TBC1D8: variants seen among roughly 807,000 people sequenced by gnomAD.
The protein encoded by TBC1D8 is BUB2-like protein 1.
TBC1D8 carries 65 observed loss-of-function variants against 118.8 expected under a neutral mutation model. The ratio of observed to expected loss-of-function variants is 0.55; its 90% CI spans 0.45 to 0.67. TBC1D8 has a LOEUF of 0.67. TBC1D8 is among the 30% of genes least tolerant of loss of function. TBC1D8 has a pLI of 0.00. For synonymous variants in TBC1D8, 566 were observed against 595.8 expected, an observed-to-expected ratio of 0.95 and a Z score of 0.73; for missense variants, 1,376 against 1,471.2, an observed-to-expected ratio of 0.94 and a Z score of 1.06.
chr2:101,102,497 G>A (rs1307427691), intron 1 of TBC1D8, among the ~76,000 whole-genome samples: 42 of 149,612 alleles, frequency 2.8e-4, no homozygotes, highest in Non-Finnish European at 5.2e-4. Context: ...AAAGGTCTAA[G>A]TACACCAACT....
At chr2:101,129,671 C>A (rs781304159) in intron 1 of TBC1D8, among the ~76,000 whole-genome samples, 1 of 151,614 alleles carries the variant, frequency 6.6e-6, no homozygotes, top group South Asian at 2.1e-4. Flanking sequence ...TTTGGGAGGC[C>A]GAGGCAGGCA....
intron 15 of TBC1D8, among the ~76,000 whole-genome samples, chr2:101,025,352 G>A (rs914688065): frequency 2.6e-4 from 40 of 152,096 alleles, no homozygotes; most frequent in African/African-American, 7.2e-4. Flanking sequence ...TCAGCCACCC[G>A]CGTAGCTGGG....
intron 1 of TBC1D8, among the ~76,000 whole-genome samples, chr2:101,091,153 C>T (rs1052873734): frequency 6.6e-6 from 1 of 152,110 alleles, no homozygotes; most frequent in Admixed American, 6.5e-5. Flanking sequence ...GGCGTGGTGG[C>T]AGGCACCTGT....
intron 1 of TBC1D8, among the ~76,000 whole-genome samples, chr2:101,119,034 C>A (rs541778123): frequency 6.6e-6 from 1 of 151,984 alleles, no homozygotes; most frequent in South Asian, 2.1e-4. Context: ...AAAGACTCCA[C>A]GAAAGACTCT....
At chr2:101,122,691 G>A (rs1678183133) in intron 1 of TBC1D8, among the ~76,000 whole-genome samples, 2 of 152,078 alleles carry the variant, frequency 1.3e-5, no homozygotes, top group African/African-American at 2.4e-5. Context: ...ACATGAAACC[G>A]AAATGAATTG....
At chr2:101,147,609 G>T (rs1156651769) in intron 1 of TBC1D8, among the ~76,000 whole-genome samples, 1 of 152,162 alleles carries the variant, frequency 6.6e-6, no homozygotes, top group African/African-American at 2.4e-5. Flanking sequence ...GTGATGCTGG[G>T]CATGTTTGAT....
chr2:101,109,900 G>C (rs1416588449), intron 1 of TBC1D8: 2 of 985,362 alleles, frequency 2.0e-6, no homozygotes, highest in African/African-American at 1.7e-5. Flanking sequence ...ACTCTTTGCT[G>C]CATCTCCAGG....
rs989324380 is a variant in TBC1D8 at position 101,079,431 on chromosome 2, G to A, written c.283+10778C>T. Among the ~76,000 whole-genome samples the A allele has an allele frequency of 4.7e-4, 72 of 152,210 alleles. 1 individual carries two copies. Among genetic ancestry groups the A allele is most frequent in the East Asian group, 2.3e-3 (12 of 5,178 alleles). On this transcript the variant is annotated intron_variant, in intron 2 of 19. Transcript: ENST00000409318. ...ACACGGTTTCATCTGTCACTCAGGCGGAGTGCCATCATAGCTCACCGCAGC... is the reference window on the plus strand; with the variant it reads ...ACACGGTTTCATCTGTCACTCAGGCAGAGTGCCATCATAGCTCACCGCAGC...
rs184780259 is a variant in TBC1D8 at position 101,065,022 on chromosome 2, G to A, written c.284-5483C>T. 1.6e-3 allele frequency among the ~76,000 whole-genome samples: 250 copies of A among 152,208 alleles called. 3 individuals are homozygous for A. Among genetic ancestry groups the A allele is most frequent in the East Asian group, 1.7e-3 (9 of 5,162 alleles). Reference sequence around the variant, plus strand: ...CCCAGTGGCTGAGTCACACTGAAACGCACACACAATATTTATTCTCTTAGG... The same window carrying A: ...CCCAGTGGCTGAGTCACACTGAAACACACACACAATATTTATTCTCTTAGG... On this transcript the variant is annotated intron_variant, in intron 2 of 19. Coordinates refer to ENST00000409318, the MANE Select transcript of TBC1D8 (RefSeq NM_001330348.2).
At chr2:101,032,461 A>G in intron 10 of TBC1D8, 76 bp from the exon 11 acceptor site, 1 of 1,262,890 alleles carries the variant, frequency 7.9e-7, no homozygotes, top group Non-Finnish European at 1.1e-6. Flanking sequence ...ATCCAAGCCC[A>G]AACAACCCAC....
At chr2:101,062,444 C>T (rs1356534793) in intron 2 of TBC1D8, among the ~76,000 whole-genome samples, 2 of 152,160 alleles carry the variant, frequency 1.3e-5, no homozygotes, top group Admixed American at 1.3e-4. Flanking sequence ...AGAACTAAAG[C>T]AGGGAGAAGA....
At chr2:101,129,423 G>A (rs1473884720) in intron 1 of TBC1D8, among the ~76,000 whole-genome samples, 1 of 152,118 alleles carries the variant, frequency 6.6e-6, no homozygotes, top group Non-Finnish European at 1.5e-5. Context: ...TTACAGGCAT[G>A]AGCCATGGCA....
At chr2:101,063,258 A>G (rs774037625) in intron 2 of TBC1D8, among the ~76,000 whole-genome samples, 1 of 152,352 alleles carries the variant, frequency 6.6e-6, no homozygotes, top group African/African-American at 2.4e-5. Flanking sequence ...TTTGAGACAA[A>G]GTCATCAAAA....
intron 17 of TBC1D8, among the ~76,000 whole-genome samples, chr2:101,016,961 A>C (rs1346134181): frequency 1.3e-5 from 2 of 152,010 alleles, no homozygotes; most frequent in Non-Finnish European, 2.9e-5. Context: ...GCATTAGGAG[A>C]TATACCTAAT....
At chr2:101,111,308 C>A (rs1225067338) in intron 1 of TBC1D8, among the ~76,000 whole-genome samples, 1 of 152,172 alleles carries the variant, frequency 6.6e-6, no homozygotes, top group African/African-American at 2.4e-5. Context: ...GAGCAGCGGA[C>A]AAAGCTGCAG....
At chr2:101,089,295 T>G (rs144240857) in intron 2 of TBC1D8, among the ~76,000 whole-genome samples, 36 of 152,160 alleles carry the variant, frequency 2.4e-4, no homozygotes, top group South Asian at 2.1e-3. Flanking sequence ...GATAGAAAAC[T>G]AAAAAACCAC....
chr2:101,087,197 T>C (rs1239323717), intron 2 of TBC1D8, among the ~76,000 whole-genome samples: 1 of 152,142 alleles, frequency 6.6e-6, no homozygotes, highest in Non-Finnish European at 1.5e-5. Flanking sequence ...CTCTAGAGCA[T>C]AGCCTCAAAC....
rs928612287 is a variant in TBC1D8 at position 101,128,080 on chromosome 2, G to A, written c.127+23047C>T. 2.0e-5 allele frequency among the ~76,000 whole-genome samples: 3 copies of A among 152,064 alleles called. No individual in the cohort carries two copies. The South Asian group carries it at 6.2e-4, about 32-fold the overall frequency. ...GTCCAAGGTCATTCAGGTTAATAAG[G>A]ACAAGATTTCTTTTCTTTTCCACCT... On this transcript the variant is annotated intron_variant, in intron 1 of 19. Coordinates refer to ENST00000409318, the MANE Select transcript of TBC1D8 (RefSeq NM_001330348.2).
chr2:101,029,965 T>TA (rs1558634528), intron 11 of TBC1D8, 189 bp from the exon 12 acceptor site: 13 of 546,802 alleles, frequency 2.4e-5, no homozygotes, highest in South Asian at 3.2e-5. Flanking sequence ...ATAGCCTTTT[T>TA]AAAAAAAATA....
Sources: gnomAD v4.1 joint callset for allele counts (sites outside exome capture counted in the v4.1 genomes callset) on GRCh38, gnomAD v4.1.1 for gene constraint, MANE v1.5 for transcripts, NCBI Gene and HGNC (gene_info 2026-07-23, HGNC 2026-07-21) for gene names.